KCTD1: variants seen among roughly 807,000 people sequenced by gnomAD.
The protein encoded by KCTD1 is potassium channel tetramerization domain containing 1, also known as BTB/POZ domain-containing protein KCTD1.
Under a neutral mutation model 66.0 loss-of-function variants are expected in KCTD1, and 24 were observed. The observed-to-expected ratio is 0.36, with a 90% CI of 0.26 to 0.51. KCTD1 has a LOEUF of 0.51. Ranked by LOEUF, KCTD1 falls within the 20% of genes least tolerant of loss-of-function variation. The pLI, the probability that KCTD1 is intolerant of heterozygous loss-of-function variation, is 0.95. For missense variants in KCTD1, 943 were observed against 1,205.2 expected, an observed-to-expected ratio of 0.78 and a Z score of 3.22; for synonymous variants, 511 against 517.2, an observed-to-expected ratio of 0.99 and a Z score of 0.16.
chr18:26,589,964 A>G (rs1195876448), intron 1 of KCTD1, among the ~76,000 whole-genome samples: 1 of 152,202 alleles, frequency 6.6e-6, no homozygotes, highest in Non-Finnish European at 1.5e-5. Flanking sequence ...GCACAAGGGG[A>G]GTCGATCTGA....
At chr18:26,593,226 C>T (rs1046926734) in intron 1 of KCTD1, among the ~76,000 whole-genome samples, 1 of 151,968 alleles carries the variant, frequency 6.6e-6, no homozygotes, top group African/African-American at 2.4e-5. Context: ...GCCAGGGAGG[C>T]CCTGCACATT....
At chr18:26,568,239 A>T (rs1008302221) in intron 1 of KCTD1, among the ~76,000 whole-genome samples, 1 of 151,966 alleles carries the variant, frequency 6.6e-6, no homozygotes, top group Non-Finnish European at 1.5e-5. Flanking sequence ...GTATTTTTTT[A>T]TTTTTTATTT....
chr18:26,460,480 G>C (rs566088203), intron 3 of KCTD1, among the ~76,000 whole-genome samples: 2 of 152,244 alleles, frequency 1.3e-5, no homozygotes, highest in African/African-American at 4.8e-5. Flanking sequence ...CTAGAGACAG[G>C]CAGGGATGGG....
intron 3 of KCTD1, among the ~76,000 whole-genome samples, chr18:26,469,669 C>T (rs1043865052): frequency 2.6e-5 from 4 of 152,096 alleles, no homozygotes; most frequent in African/African-American, 2.4e-5. Context: ...ATTATATACA[C>T]GTTTTGTATT....
At chr18:26,603,684 A>G (rs1986948663) in intron 1 of KCTD1, among the ~76,000 whole-genome samples, 1 of 151,908 alleles carries the variant, frequency 6.6e-6, no homozygotes, top group Non-Finnish European at 1.5e-5. Context: ...CAGAGGGTGC[A>G]GTGGGCCGAG....
intron 1 of KCTD1, among the ~76,000 whole-genome samples, chr18:26,559,987 C>T (rs751146044): frequency 8.5e-5 from 13 of 152,154 alleles, no homozygotes; most frequent in Non-Finnish European, 1.6e-4. Flanking sequence ...CTTCTACTCT[C>T]GTTCCCTGGG....
chr18:26,532,883 C>CA (rs1984517473), intron 1 of KCTD1, among the ~76,000 whole-genome samples: 1 of 152,204 alleles, frequency 6.6e-6, no homozygotes, highest in Admixed American at 6.5e-5. Context: ...ACTTGACTGT[C>CA]AAGTCCATGG....
At chr18:26,598,648 A>T (rs966972012) in intron 1 of KCTD1, among the ~76,000 whole-genome samples, 1 of 152,130 alleles carries the variant, frequency 6.6e-6, no homozygotes, top group Non-Finnish European at 1.5e-5. Flanking sequence ...CCACATCCTA[A>T]CCAACACTTG....
At chr18:26,578,774 A>T (rs1015926264) in intron 1 of KCTD1, among the ~76,000 whole-genome samples, 2 of 152,212 alleles carry the variant, frequency 1.3e-5, no homozygotes, top group Admixed American at 6.5e-5. Context: ...TAAATGCACC[A>T]GGGAAACTGA....
intron 1 of KCTD1, among the ~76,000 whole-genome samples, chr18:26,637,523 C>A (rs1366887587): frequency 6.6e-6 from 1 of 152,162 alleles, no homozygotes; most frequent in Non-Finnish European, 1.5e-5. Context: ...GTCACCCTCC[C>A]CTCTGCCGAT....
chr18:26,556,631 G>A (rs1383103102), intron 1 of KCTD1, among the ~76,000 whole-genome samples: 4 of 152,200 alleles, frequency 2.6e-5, no homozygotes, highest in Admixed American at 1.3e-4. Flanking sequence ...TCTTGCTAAC[G>A]TTTAGTGAAT....
chr18:26,572,062 TG>T (rs1408885053), intron 1 of KCTD1, among the ~76,000 whole-genome samples: 11 of 149,910 alleles, frequency 7.3e-5, no homozygotes, highest in African/African-American at 2.5e-4. Flanking sequence ...ATGTTGTTGT[TG>T]TTTTTTTTTT....
intron 2 of KCTD1, among the ~76,000 whole-genome samples, chr18:26,486,410 G>A (rs983632289): frequency 5.3e-5 from 8 of 152,160 alleles, no homozygotes; most frequent in Non-Finnish European, 1.2e-4. Context: ...CTCCTTTCCT[G>A]CTCTGGCACC....
At chr18:26,521,029 G>A (rs1242485492) in intron 1 of KCTD1, among the ~76,000 whole-genome samples, 1 of 152,216 alleles carries the variant, frequency 6.6e-6, no homozygotes, top group African/African-American at 2.4e-5. Context: ...CTTTTCAGAG[G>A]AAAGCTTACA....
chr18:26,570,718 C>G (rs1259895279), intron 1 of KCTD1, among the ~76,000 whole-genome samples: 1 of 152,204 alleles, frequency 6.6e-6, no homozygotes, highest in Non-Finnish European at 1.5e-5. Context: ...GCCTCTATTA[C>G]TTTCTGAGGA....
At chr18:26,483,214 C>T (rs959728562) in intron 2 of KCTD1, among the ~76,000 whole-genome samples, 1 of 152,212 alleles carries the variant, frequency 6.6e-6, no homozygotes, top group African/African-American at 2.4e-5. Context: ...GAGCCCACCA[C>T]TCAGCAGGGA....
intron 1 of KCTD1, among the ~76,000 whole-genome samples, chr18:26,587,022 TA>T (rs1453393369): frequency 6.6e-6 from 1 of 152,200 alleles, no homozygotes; most frequent in African/African-American, 2.4e-5. Flanking sequence ...GTGGTTACAC[TA>T]AACAGATTTT....
intron 1 of KCTD1, among the ~76,000 whole-genome samples, chr18:26,605,714 A>T (rs1986996307): frequency 7.9e-6 from 1 of 126,838 alleles, no homozygotes; most frequent in Admixed American, 8.2e-5. Flanking sequence ...TACACCATAT[A>T]TATATCTCTA....
chr18:26,470,044 C>G (rs1294182086), intron 3 of KCTD1, among the ~76,000 whole-genome samples: 1 of 152,188 alleles, frequency 6.6e-6, no homozygotes, highest in African/African-American at 2.4e-5. Context: ...GAAAGTAGAT[C>G]AGCAGGTTTC....
Sources: allele counts gnomAD v4.1 joint callset (sites outside exome capture counted in the v4.1 genomes callset), GRCh38; gene constraint gnomAD v4.1.1; transcripts MANE v1.5; gene names NCBI Gene and HGNC (gene_info 2026-07-23, HGNC 2026-07-21).